ANKIB1: variants seen among roughly 807,000 people sequenced by gnomAD.
ANKIB1 encodes the protein ankyrin repeat and IBR domain containing 1, also known as ankyrin repeat and IBR domain-containing protein 1.
Under a neutral mutation model 122.1 loss-of-function variants are expected in ANKIB1, and 43 were observed. The ratio of observed to expected loss-of-function variants is 0.35; its 90% CI spans 0.28 to 0.45. The LOEUF (loss-of-function observed/expected upper bound fraction) is 0.45, where lower values mean the gene tolerates loss of function less well. Among genes scored for constraint, ANKIB1 ranks in the 20% least tolerant of loss-of-function variants. ANKIB1 has a pLI of 1.00. For missense variants in ANKIB1, 992 were observed against 1,329.5 expected (o/e 0.75, Z 3.95); for synonymous variants, 390 against 442.0 (o/e 0.88, Z 1.48).
intron 4 of ANKIB1, chr7:92,326,070 T>C: frequency 3.3e-6 from 1 of 303,526 alleles, no homozygotes; most frequent in Non-Finnish European, 6.6e-6. Context: ...CTGAGCAATG[T>C]GTTGAAATGC....
chr7:92,332,908 G>A (rs11760878), intron 5 of ANKIB1, among the ~76,000 whole-genome samples: 14,527 of 152,088 alleles, frequency 0.096, 910 homozygotes, highest in East Asian at 0.36. Flanking sequence ...TAAACTCATC[G>A]TGTTTAAAAC....
intron 1 of ANKIB1, among the ~76,000 whole-genome samples, chr7:92,276,740 A>G (rs1272232135): frequency 6.6e-6 from 1 of 152,240 alleles, no homozygotes; most frequent in African/African-American, 2.4e-5. Context: ...GACAGCACAT[A>G]TCTGGTTAAG....
chr7:92,342,189 C>T (rs1346262739), intron 5 of ANKIB1, among the ~76,000 whole-genome samples: 1 of 152,084 alleles, frequency 6.6e-6, no homozygotes, highest in Non-Finnish European at 1.5e-5. Flanking sequence ...CGAACACAGC[C>T]TTTGGAATCA....
At position 92,246,357 on chromosome 7, in the gene ANKIB1, T is replaced by A. The variant is rs1468288861; in HGVS notation, c.-253T>A. The A allele has an allele frequency of 9.3e-6, 4 of 429,138 alleles. No homozygotes were observed. The highest frequency in any genetic ancestry group is 1.8e-5 in the Non-Finnish European group (4 of 220,312). 26.6% of individuals were successfully genotyped at this position (429,138 alleles called of 1,614,324 possible). On this transcript the variant is annotated 5_prime_UTR_variant, in exon 1 of 20. Coordinates refer to ENST00000265742, the MANE Select transcript of ANKIB1 (RefSeq NM_019004.2). ...ACCCTCGGCCACATCAGCCTCCGCCTGGCGGGTGCACCCGGGCCGGCGAGG... is the reference window on the plus strand; with the variant it reads ...ACCCTCGGCCACATCAGCCTCCGCCAGGCGGGTGCACCCGGGCCGGCGAGG...
intron 1 of ANKIB1, among the ~76,000 whole-genome samples, chr7:92,260,274 C>T (rs1166220771): frequency 7.2e-5 from 11 of 152,142 alleles, no homozygotes; most frequent in Admixed American, 6.5e-4. Context: ...TTTTGTTCCT[C>T]GAACACACAG....
intron 2 of ANKIB1, among the ~76,000 whole-genome samples, chr7:92,296,240 A>T (rs1802353495): frequency 6.6e-6 from 1 of 151,144 alleles, no homozygotes; most frequent in Non-Finnish European, 1.5e-5. Flanking sequence ...TTTTTTTAAT[A>T]GAAACGGTGT....
intron 9 of ANKIB1, among the ~76,000 whole-genome samples, chr7:92,353,818 C>A (rs1263608403): frequency 6.6e-6 from 1 of 152,112 alleles, no homozygotes; most frequent in Admixed American, 6.5e-5. Flanking sequence ...TGCTTTTGGG[C>A]AATGACAGCA....
At chr7:92,360,932 T>A (rs989460213) in intron 9 of ANKIB1, among the ~76,000 whole-genome samples, 2 of 152,084 alleles carry the variant, frequency 1.3e-5, no homozygotes, top group Non-Finnish European at 2.9e-5. Flanking sequence ...TGGCATGATG[T>A]CAGCTCACTG....
intron 10 of ANKIB1, among the ~76,000 whole-genome samples, chr7:92,370,763 T>C (rs558431778): frequency 2.2e-4 from 33 of 152,002 alleles, no homozygotes; most frequent in Non-Finnish European, 4.1e-4. Flanking sequence ...AAGAAAAACA[T>C]GGAGAGATTT....
At chr7:92,323,477 T>A (rs865875860) in intron 4 of ANKIB1, among the ~76,000 whole-genome samples, 22 of 152,312 alleles carry the variant, frequency 1.4e-4, no homozygotes, top group African/African-American at 5.3e-4. Flanking sequence ...ATAACTTTTT[T>A]TCCTTTTTGT....
chr7:92,347,057 A>G (rs188474822), intron 7 of ANKIB1, among the ~76,000 whole-genome samples: 22 of 152,344 alleles, frequency 1.4e-4, no homozygotes, highest in African/African-American at 4.1e-4. Flanking sequence ...TTATAGGCAC[A>G]TAGAAAAAGA....
intron 1 of ANKIB1, among the ~76,000 whole-genome samples, chr7:92,262,256 G>A (rs1029749257): frequency 6.6e-6 from 1 of 152,274 alleles, no homozygotes; most frequent in African/African-American, 2.4e-5. Context: ...TATAGCTGAA[G>A]ATGTATGCAG....
chr7:92,289,708 C>A (rs1326231389), intron 1 of ANKIB1, among the ~76,000 whole-genome samples: 1 of 152,214 alleles, frequency 6.6e-6, no homozygotes, highest in Non-Finnish European at 1.5e-5. Context: ...ATAATGCATG[C>A]AATAATGCAT....
Position 92,352,570 on chromosome 7 carries a change from G to T in ANKIB1, c.1325G>T (p.Gly442Val). The change falls in exon 9 of 20, where the codon GGA becomes GTA. Residue 442 changes from glycine to valine, a missense_variant. Coordinates refer to ENST00000265742, the MANE Select transcript of ANKIB1 (RefSeq NM_019004.2). ...RLTKQGSNTS[G>V]SDTLSFPLLR... ...ACGAAACAAGGGTCAAATACATCTG[G>T]ATCTGATACACTCAGCTTCCCATTG... 3.1e-6 allele frequency: 5 copies of T among 1,613,502 alleles called. No individual in the cohort carries two copies. Among genetic ancestry groups the T allele is most frequent in the Non-Finnish European group, 3.4e-6 (4 of 1,179,794 alleles).
chr7:92,364,132 A>T (rs1670000575), intron 10 of ANKIB1, among the ~76,000 whole-genome samples: 1 of 151,908 alleles, frequency 6.6e-6, no homozygotes, highest in Admixed American at 6.6e-5. Flanking sequence ...ACATGGTGAA[A>T]CCCAATCTCT....
intron 18 of ANKIB1, 111 bp downstream of exon 18, chr7:92,396,587 A>G: frequency 1.6e-6 from 1 of 628,330 alleles, no homozygotes; most frequent in Non-Finnish European, 2.8e-6. Context: ...TATACAATAA[A>G]TATGCAGATG....
chr7:92,362,934 G>A (rs1006457473), intron 10 of ANKIB1, among the ~76,000 whole-genome samples: 2 of 151,934 alleles, frequency 1.3e-5, no homozygotes, highest in Non-Finnish European at 2.9e-5. Flanking sequence ...CCTAATAGCA[G>A]TTCCCACATT....
At chr7:92,302,563 C>A (rs939938108) in intron 2 of ANKIB1, among the ~76,000 whole-genome samples, 6 of 152,138 alleles carry the variant, frequency 3.9e-5, no homozygotes, top group African/African-American at 1.4e-4. Context: ...AAGCCGTGGA[C>A]TTGGAGTCAG....
chr7:92,314,973 T>C (rs1363684164), intron 3 of ANKIB1, among the ~76,000 whole-genome samples: 1 of 152,052 alleles, frequency 6.6e-6, no homozygotes, highest in Non-Finnish European at 1.5e-5. Context: ...TGTTAGCCTT[T>C]GGTGACTCAG....
Sources: gnomAD v4.1 joint callset for allele counts (sites outside exome capture counted in the v4.1 genomes callset) on GRCh38, gnomAD v4.1.1 for gene constraint, MANE v1.5 for transcripts, NCBI Gene and HGNC (gene_info 2026-07-23, HGNC 2026-07-21) for gene names.